The following DLG2 variants were observed in gnomAD, a reference collection of about 807,000 sequenced individuals.
The protein encoded by DLG2 is disks large homolog 2.
In DLG2, 45 loss-of-function variants were observed where a neutral mutation model predicts 132.5. The ratio of observed to expected loss-of-function variants is 0.34; its 90% CI spans 0.27 to 0.44. The LOEUF (loss-of-function observed/expected upper bound fraction) is 0.44. Among genes scored for constraint, DLG2 ranks in the 20% least tolerant of loss-of-function variants. The probability of loss-of-function intolerance (pLI) is 1.00; values close to 1 mark genes in which losing one functional copy is unlikely to be tolerated. For synonymous variants in DLG2, 424 were observed against 419.6 expected (o/e 1.01, Z -0.13); for missense variants, 1,045 against 1,196.9 (o/e 0.87, Z 1.87).
At chr11:83,477,833 A>T (rs867432947) in intron 22 of DLG2, among the ~76,000 whole-genome samples, 2 of 152,012 alleles carry the variant, frequency 1.3e-5, no homozygotes, top group African/African-American at 4.8e-5. Context: ...TTTGACTTCA[A>T]AGTTGGTACC....
intron 7 of DLG2, among the ~76,000 whole-genome samples, chr11:84,356,150 T>C (rs576923905): frequency 6.6e-6 from 1 of 152,198 alleles, no homozygotes; most frequent in African/African-American, 2.4e-5. Context: ...TTTTTGTTTG[T>C]TTTTGGTTTT....
intron 16 of DLG2, among the ~76,000 whole-genome samples, chr11:83,863,593 C>A (rs1425510392): frequency 6.6e-6 from 1 of 152,078 alleles, no homozygotes; most frequent in African/African-American, 2.4e-5. Flanking sequence ...AGAGAGGGAA[C>A]AAATCCCTAC....
chr11:85,555,281 GCACACATGGTTT>G (rs2076878360), intron 3 of DLG2, among the ~76,000 whole-genome samples: 1 of 151,602 alleles, frequency 6.6e-6, no homozygotes, highest in Non-Finnish European at 1.5e-5. Flanking sequence ...AAAACATCAT[GCACACATGGTTT>G]CACAAAAACT....
chr11:84,484,696 A>C (rs2099146507), intron 7 of DLG2, among the ~76,000 whole-genome samples: 1 of 152,178 alleles, frequency 6.6e-6, no homozygotes, highest in Non-Finnish European at 1.5e-5. Flanking sequence ...GCAAATTAAG[A>C]GTTTTTGAAC....
At chr11:84,124,870 G>C (rs1449545287) in intron 9 of DLG2, among the ~76,000 whole-genome samples, 1 of 96,606 alleles carries the variant, frequency 1.0e-5, no homozygotes, top group Non-Finnish European at 2.1e-5. Context: ...TTTTTTTTGA[G>C]AGGGTGTTTC....
chr11:85,574,656 G>A (rs2078049004), intron 3 of DLG2, among the ~76,000 whole-genome samples: 1 of 152,076 alleles, frequency 6.6e-6, no homozygotes. Flanking sequence ...ATGAGTTACT[G>A]CAAGATCTGA....
chr11:84,076,199 T>C (rs2154149970), intron 10 of DLG2, among the ~76,000 whole-genome samples: 2 of 152,270 alleles, frequency 1.3e-5, no homozygotes, highest in Middle Eastern at 6.8e-3. Flanking sequence ...GGTGAGTCTA[T>C]GAGGGACACT....
intron 3 of DLG2, among the ~76,000 whole-genome samples, chr11:85,366,915 A>T (rs945826772): frequency 6.6e-6 from 1 of 152,072 alleles, no homozygotes; most frequent in Non-Finnish European, 1.5e-5. Context: ...CTTGTTTATG[A>T]TGTCATGATG....
chr11:85,509,367 C>T (rs902525422), intron 3 of DLG2, among the ~76,000 whole-genome samples: 1 of 151,880 alleles, frequency 6.6e-6, no homozygotes, highest in Non-Finnish European at 1.5e-5. Flanking sequence ...ATTTTTGGAA[C>T]CTAAAGGAAT....
At chr11:85,019,923 A>G (rs1358479425) in intron 6 of DLG2, among the ~76,000 whole-genome samples, 1 of 152,172 alleles carries the variant, frequency 6.6e-6, no homozygotes, top group African/African-American at 2.4e-5. Flanking sequence ...TGCCGCAGTA[A>G]ACATACGTGT....
intron 7 of DLG2, among the ~76,000 whole-genome samples, chr11:84,396,479 C>T (rs1412014765): frequency 2.6e-5 from 4 of 152,164 alleles, no homozygotes; most frequent in South Asian, 2.1e-4. Context: ...TCTTTTGTTT[C>T]GTGCATGGGC....
At chr11:84,786,394 A>G (rs1166309378) in intron 6 of DLG2, among the ~76,000 whole-genome samples, 2 of 152,228 alleles carry the variant, frequency 1.3e-5, no homozygotes, top group Non-Finnish European at 2.9e-5. Flanking sequence ...GTTTTATTAT[A>G]AGAAAACGTA....
rs144739265 is a variant in DLG2, at chr11:83,974,653, G to A, written c.1056+5853C>T. ...GTATTTGGTCACAGAGTCTATTCAC[G>A]TGACACAGAAAAGAGAACAATATTT... is the stretch of plus-strand genomic sequence containing the variant. On this transcript the variant is annotated intron_variant, in intron 12 of 27. Transcript: ENST00000376104. Among the ~76,000 whole-genome samples the A allele has an allele frequency of 1.5e-3, 226 of 152,094 alleles. 2 individuals carry two copies. The highest frequency in any genetic ancestry group is 0.012 in the Admixed American group (186 of 15,236).
intron 7 of DLG2, among the ~76,000 whole-genome samples, chr11:84,499,686 C>A (rs1176894891): frequency 6.6e-6 from 1 of 152,076 alleles, no homozygotes; most frequent in Non-Finnish European, 1.5e-5. Context: ...AAAGCAGATA[C>A]TTACATTTTT....
intron 3 of DLG2, among the ~76,000 whole-genome samples, chr11:85,411,870 A>G (rs1333266770): frequency 6.6e-6 from 1 of 151,852 alleles, no homozygotes; most frequent in African/African-American, 2.4e-5. Context: ...ACAAATAAGA[A>G]AAAGCCCTCC....
At chr11:84,781,747 G>A (rs2071816558) in intron 6 of DLG2, among the ~76,000 whole-genome samples, 1 of 152,092 alleles carries the variant, frequency 6.6e-6, no homozygotes, top group Non-Finnish European at 1.5e-5. Context: ...GACCAGAGAT[G>A]TCACCCCAAA....
intron 21 of DLG2, among the ~76,000 whole-genome samples, chr11:83,522,622 T>C (rs937009886): frequency 6.6e-6 from 1 of 152,202 alleles, no homozygotes; most frequent in South Asian, 2.1e-4. Context: ...TCAATACTTA[T>C]TGGTTGAGTG....
intron 18 of DLG2, among the ~76,000 whole-genome samples, chr11:83,658,236 A>G (rs1198342435): frequency 6.6e-6 from 1 of 152,226 alleles, no homozygotes; most frequent in Non-Finnish European, 1.5e-5. Context: ...TTTTTGAAAA[A>G]TTACATTTTT....
intron 18 of DLG2, among the ~76,000 whole-genome samples, chr11:83,677,797 CAT>C (rs1394399147): frequency 6.6e-6 from 1 of 152,078 alleles, no homozygotes; most frequent in African/African-American, 2.4e-5. Flanking sequence ...TCCAATGTGA[CAT>C]AAGATGAAAA....
Sources: gnomAD v4.1 joint callset for allele counts (sites outside exome capture counted in the v4.1 genomes callset) on GRCh38, gnomAD v4.1.1 for gene constraint, MANE v1.5 for transcripts, NCBI Gene and HGNC (gene_info 2026-07-23, HGNC 2026-07-21) for gene names.